Variants in TRAIP observed in about 807,000 individuals in gnomAD.
The protein encoded by TRAIP is TRAF interacting protein.
TRAIP carries 37 observed loss-of-function variants against 65.0 expected under a neutral mutation model. The observed-to-expected ratio is 0.57, with a 90% CI of 0.44 to 0.75. The LOEUF (loss-of-function observed/expected upper bound fraction) is 0.75. Among genes scored for constraint, TRAIP ranks in the 30% least tolerant of loss-of-function variants. The probability of loss-of-function intolerance (pLI) is 0.00; values close to 1 mark genes in which losing one functional copy is unlikely to be tolerated. For synonymous variants in TRAIP, 187 were observed against 219.1 expected, an observed-to-expected ratio of 0.85 and a Z score of 1.29; for missense variants, 481 against 579.4, an observed-to-expected ratio of 0.83 and a Z score of 1.74.
chr3:49,843,999 TGGATTC>T (rs2081862298), intron 4 of TRAIP, 71 bp from the exon 5 acceptor site: 2 of 1,534,780 alleles, frequency 1.3e-6, no homozygotes, highest in Non-Finnish European at 1.8e-6. Flanking sequence ...CTTGGGCCCT[TGGATTC>T]AGTGCCTCAT....
At chr3:49,836,061 C>T (rs903709294) in intron 10 of TRAIP, among the ~76,000 whole-genome samples, 4 of 151,824 alleles carry the variant, frequency 2.6e-5, no homozygotes, top group African/African-American at 9.7e-5. Flanking sequence ...CTCCCAGATT[C>T]AAGCCATTCT....
At chr3:49,851,263 C>G (rs912586197) in intron 1 of TRAIP, among the ~76,000 whole-genome samples, 1 of 152,212 alleles carries the variant, frequency 6.6e-6, no homozygotes, top group Non-Finnish European at 1.5e-5. Flanking sequence ...CGTGAATCAA[C>G]ACGCCCAGCC....
intron 8 of TRAIP, 114 bp from the exon 9 acceptor site, chr3:49,840,487 G>C: frequency 1.2e-6 from 1 of 823,096 alleles, no homozygotes. Context: ...TAGAGATATG[G>C]GCAGAGATCC....
rs1326041903 is a variant in TRAIP at position 49,829,226 on chromosome 3, CT to C, written c.1288-2del. ...ATGGGCGGATCATGACTGTGTCAGTCTGGAGGAGCTGTCAAGGAAGAGGCAT... is the reference window on the plus strand; with the variant it reads ...ATGGGCGGATCATGACTGTGTCAGTCGGAGGAGCTGTCAAGGAAGAGGCAT... On this transcript the variant is annotated splice_acceptor_variant, in intron 14 of 14. Transcript: ENST00000331456. LOFTEE classifies it high-confidence loss of function. 6.2e-7 allele frequency: 1 copy of C among 1,614,056 alleles called. No homozygotes were observed. Among genetic ancestry groups the C allele is most frequent in the African/African-American group, 1.3e-5 (1 of 74,904 alleles).
At chr3:49,853,051 G>T (rs1280846825) in intron 1 of TRAIP, among the ~76,000 whole-genome samples, 4 of 151,840 alleles carry the variant, frequency 2.6e-5, no homozygotes, top group Non-Finnish European at 5.9e-5. Context: ...GAACCAGGGA[G>T]GTGGAGGTTG....
At chr3:49,832,184 G>C (rs2081740178) in intron 10 of TRAIP, 116 bp from the exon 11 acceptor site, 6 of 1,231,148 alleles carry the variant, frequency 4.9e-6, no homozygotes, top group Non-Finnish European at 6.4e-6. Context: ...CTGACTCAAG[G>C]CCACCCCTCA....
chr3:49,844,396 A>G, intron 4 of TRAIP, 145 bp downstream of exon 4: 1 of 888,444 alleles, frequency 1.1e-6, no homozygotes, highest in Non-Finnish European at 1.7e-6. Context: ...TCTGCCCACC[A>G]CAACAGCTAG....
At chr3:49,846,817 T>C (rs555104049) in intron 3 of TRAIP, among the ~76,000 whole-genome samples, 6 of 152,290 alleles carry the variant, frequency 3.9e-5, no homozygotes, top group Non-Finnish European at 5.9e-5. Flanking sequence ...GGTGGGAGGA[T>C]TGCTCGAGCC....
At chr3:49,854,052 G>A (rs972011169) in intron 1 of TRAIP, among the ~76,000 whole-genome samples, 36 of 151,866 alleles carry the variant, frequency 2.4e-4, no homozygotes, top group African/African-American at 8.5e-4. Flanking sequence ...TTGGCCGGTC[G>A]TGGTGGCTCA....
intron 14 of TRAIP, 49 bp downstream of exon 14, chr3:49,829,409 G>C: frequency 1.2e-6 from 2 of 1,613,768 alleles, no homozygotes; most frequent in Non-Finnish European, 1.7e-6. Flanking sequence ...GTGAGGCATA[G>C]TATGGGCTCC....
At chr3:49,850,855 C>A (rs1167152352) in intron 1 of TRAIP, among the ~76,000 whole-genome samples, 1 of 151,426 alleles carries the variant, frequency 6.6e-6, no homozygotes, top group Non-Finnish European at 1.5e-5. Context: ...CAGGGTTTCA[C>A]CATGTTGGCC....
chr3:49,831,967 G>A lies in TRAIP; in HGVS notation c.986C>T (p.Pro329Leu). 6.2e-7 allele frequency: 1 copy of A among 1,604,408 alleles called. No individual in the cohort carries two copies. Among genetic ancestry groups the A allele is most frequent in the Non-Finnish European group, 8.5e-7 (1 of 1,175,442 alleles). ...GTAGTAACCATGCTGGGAGCTGGAG[G>A]GCCGGGCTGGGGGAGTATCCACATC... ...TFDVDTPPAR[P>L]SSSQHGYYEK... The change falls in exon 11 of 15, where the codon CCC (proline) becomes CTC (leucine). Residue 329 changes from proline to leucine, a missense_variant. Coordinates refer to ENST00000331456, the MANE Select transcript of TRAIP (RefSeq NM_005879.3).
intron 1 of TRAIP, among the ~76,000 whole-genome samples, chr3:49,851,123 A>C (rs1264340207): frequency 6.6e-6 from 1 of 151,748 alleles, no homozygotes; most frequent in African/African-American, 2.4e-5. Flanking sequence ...GACCACAGGC[A>C]CATGCCACTA....
intron 11 of TRAIP, 29 bp from the exon 12 acceptor site, chr3:49,830,097 T>C: frequency 6.2e-7 from 1 of 1,613,270 alleles, no homozygotes; most frequent in Non-Finnish European, 8.5e-7. Flanking sequence ...AGGCAAGGGG[T>C]AGGTAAGCAA....
At position 49,834,136 on chromosome 3, in the gene TRAIP, T is replaced by C. The variant is rs139460456; in HGVS notation, c.885-2068A>G. Among the ~76,000 whole-genome samples, 385 of 152,326 alleles carry C rather than the reference T, an allele frequency of 2.5e-3. 1 individual carries two copies. Among genetic ancestry groups the C allele is most frequent in the Middle Eastern group, 0.01 (3 of 294 alleles). Reference sequence around the variant, plus strand: ...ATCTCCTCCATGAACTCATGGCTCCTGGCGGCCTTACCCTACCCTAAGGAA... The same window carrying C: ...ATCTCCTCCATGAACTCATGGCTCCCGGCGGCCTTACCCTACCCTAAGGAA... On this transcript the variant is annotated intron_variant, in intron 10 of 14. Transcript: ENST00000331456.
intron 10 of TRAIP, among the ~76,000 whole-genome samples, chr3:49,838,666 G>C (rs1201332336): frequency 6.6e-6 from 1 of 152,016 alleles, no homozygotes; most frequent in Non-Finnish European, 1.5e-5. Context: ...TGGGCAGATT[G>C]CTTGAGGTCA....
intron 10 of TRAIP, among the ~76,000 whole-genome samples, chr3:49,837,018 C>T (rs1238339345): frequency 2.2e-5 from 3 of 137,398 alleles, no homozygotes; most frequent in East Asian, 2.2e-4. Context: ...AGTGCAGTGG[C>T]GTGATCATCA....
At chr3:49,832,115 A>C in intron 10 of TRAIP, 47 bp from the exon 11 acceptor site, 1 of 1,505,724 alleles carries the variant, frequency 6.6e-7, no homozygotes, top group Non-Finnish European at 8.9e-7. Context: ...GTGGTAACCC[A>C]GGACAACAGC....
Position 49,829,472 on chromosome 3 carries a change from T to C in TRAIP, c.1273A>G (p.Lys425Glu). ...TGFDGLGGRT[K>E]FIQPTDTVMI... ...GAAAAGGATACAGGCTGGATGAATTTTGTCCGGCCACCGAGCCCATCGAAG... is the reference window on the plus strand; with the variant it reads ...GAAAAGGATACAGGCTGGATGAATTCTGTCCGGCCACCGAGCCCATCGAAG... Residue 425 changes from lysine to glutamate, a missense_variant, in exon 14 of 15, where the codon AAA becomes GAA. By Grantham distance (56) the Lys-to-Glu change is moderately conservative. Transcript: ENST00000331456. 9 of 1,614,138 alleles carry C rather than the reference T, an allele frequency of 5.6e-6. No homozygotes were observed. Among genetic ancestry groups the C allele is most frequent in the South Asian group, 2.2e-5 (2 of 91,074 alleles).
Sources: gnomAD v4.1 joint callset for allele counts (sites outside exome capture counted in the v4.1 genomes callset) on GRCh38, gnomAD v4.1.1 for gene constraint, MANE v1.5 for transcripts, NCBI Gene and HGNC (gene_info 2026-07-23, HGNC 2026-07-21) for gene names.